ABHD6: variants seen among roughly 807,000 people sequenced by gnomAD.
ABHD6 encodes the protein abhydrolase domain containing 6, acylglycerol lipase.
ABHD6 carries 33 observed loss-of-function variants against 38.8 expected under a neutral mutation model. The ratio of observed to expected loss-of-function variants is 0.85; its 90% CI spans 0.64 to 1.14. ABHD6 has a LOEUF of 1.14. ABHD6 is among the 50% of genes most tolerant of loss of function. The pLI is 0.00. For synonymous variants in ABHD6, 147 were observed against 161.6 expected, an observed-to-expected ratio of 0.91 and a Z score of 0.69; for missense variants, 380 against 422.6, an observed-to-expected ratio of 0.90 and a Z score of 0.88.
intron 3 of ABHD6, among the ~76,000 whole-genome samples, chr3:58,258,937 G>T (rs924673703): frequency 6.6e-6 from 1 of 152,208 alleles, no homozygotes; most frequent in African/African-American, 2.4e-5. Context: ...AAATGCTGTT[G>T]CCCTTGCAGT....
chr3:58,249,313 T>A (rs1315901922), intron 1 of ABHD6, among the ~76,000 whole-genome samples: 1 of 152,232 alleles, frequency 6.6e-6, no homozygotes, highest in Non-Finnish European at 1.5e-5. Context: ...TATATTTAAT[T>A]CTTTGATTCA....
intron 2 of ABHD6, among the ~76,000 whole-genome samples, chr3:58,255,592 T>TG (rs2097432703): frequency 6.6e-6 from 1 of 152,244 alleles, no homozygotes. Flanking sequence ...CCCAAAGTGC[T>TG]GGATCACAGG....
At chr3:58,283,666 TTGGA>T (rs370728623) in intron 7 of ABHD6, among the ~76,000 whole-genome samples, 24 of 152,038 alleles carry the variant, frequency 1.6e-4, no homozygotes, top group Non-Finnish European at 3.2e-4. Context: ...GGCTGAATGG[TTGGA>T]TGGATGGATG....
intron 7 of ABHD6, among the ~76,000 whole-genome samples, chr3:58,277,624 T>G (rs4681835): frequency 0.42 from 63,260 of 152,048 alleles, 13,999 homozygotes; most frequent in African/African-American, 0.57. Context: ...CTGATTGCAC[T>G]GGGCAGAACT....
intron 7 of ABHD6, among the ~76,000 whole-genome samples, chr3:58,277,055 C>T (rs979546039): frequency 2.6e-5 from 4 of 152,164 alleles, no homozygotes; most frequent in African/African-American, 9.7e-5. Context: ...CTTGGTGCTT[C>T]CAGCTTTGTT....
Position 58,259,404 on chromosome 3 carries a change from G to A in ABHD6, c.119+2699G>A, listed in dbSNP as rs1266605236. The stretch of plus-strand genomic sequence containing the variant: ...TTTAAAGTGTACAATTCAAGGCTGG[G>A]CACGATGGCTCACACCTGTAATCCC... On this transcript the variant is annotated intron_variant, in intron 3 of 9. Coordinates refer to ENST00000478253, the MANE Select transcript of ABHD6 (RefSeq NM_001320126.2). The surrounding 1 kb of genome is among the most constrained non-coding windows in gnomAD (Gnocchi z 4.7). 6.6e-6 allele frequency among the ~76,000 whole-genome samples: 1 copy of A among 152,162 alleles called. No individual in the cohort carries two copies. The highest frequency in any genetic ancestry group is 1.9e-4 in the East Asian group (1 of 5,196).
intron 9 of ABHD6, among the ~76,000 whole-genome samples, chr3:58,290,199 G>A (rs1179244606): frequency 2.0e-5 from 2 of 100,412 alleles, no homozygotes; most frequent in Non-Finnish European, 2.0e-5. Flanking sequence ...CGGACGGGGC[G>A]GCTGGCTGGG....
intron 7 of ABHD6, among the ~76,000 whole-genome samples, chr3:58,276,301 T>C (rs2097448658): frequency 2.6e-5 from 4 of 152,316 alleles, no homozygotes; most frequent in South Asian, 2.1e-4. Flanking sequence ...TTTTAATGAT[T>C]GCCATTCTAA....
chr3:58,262,171 G>A (rs139888407), intron 3 of ABHD6, among the ~76,000 whole-genome samples: 50 of 152,280 alleles, frequency 3.3e-4, no homozygotes, highest in African/African-American at 1.2e-3. Context: ...GGTTGCTAGG[G>A]GACTGGGGGA....
At chr3:58,244,036 T>C (rs2097424622) in intron 1 of ABHD6, among the ~76,000 whole-genome samples, 1 of 152,242 alleles carries the variant, frequency 6.6e-6, no homozygotes, top group African/African-American at 2.4e-5. Context: ...CTTCATCATC[T>C]ATCCCTCTGT....
In ABHD6 at chr3:58,238,331, C is replaced by A. The variant is rs1338169133; in HGVS notation, c.-91+415C>A. ...TGGAGAAGGACTGCAGCTCGCCCAC[C>A]CAGATAGCATCTTGCTCCGTGTCAC... On this transcript the variant is annotated intron_variant, in intron 1 of 9. Coordinates refer to ENST00000478253, the MANE Select transcript of ABHD6 (RefSeq NM_001320126.2). This position sits in a 1 kb window ranked among gnomAD's most constrained non-coding sequence, Gnocchi z 6.9. 5 of 152,512 alleles carry A rather than the reference C, an allele frequency of 3.3e-5. No individual in the cohort carries two copies. Among genetic ancestry groups the A allele is most frequent in the Non-Finnish European group, 7.3e-5 (5 of 68,248 alleles). The allele number at this position is 152,512 out of a possible 1,614,324, so 9.4% of individuals were successfully genotyped here.
At chr3:58,262,454 C>T (rs930922099) in intron 3 of ABHD6, among the ~76,000 whole-genome samples, 1 of 152,156 alleles carries the variant, frequency 6.6e-6, no homozygotes, top group Non-Finnish European at 1.5e-5. Context: ...CGAGGAGGTC[C>T]TCTTTGGGGC....
rs542128827 is a variant in ABHD6, at chr3:58,263,247, G to A, written c.120-3942G>A. Among the ~76,000 whole-genome samples, 24 of 151,102 alleles carry A rather than the reference G, an allele frequency of 1.6e-4. No homozygotes were observed. Among genetic ancestry groups the A allele is most frequent in the East Asian group, 1.6e-3 (8 of 5,134 alleles). ...AAATAAACAAAAACAAAAATTAGCC[G>A]AGCGTGGTGGCACACACCTGTAATC... is the stretch of plus-strand genomic sequence containing the variant. On this transcript the variant is annotated intron_variant, in intron 3 of 9. Coordinates refer to ENST00000478253, the MANE Select transcript of ABHD6 (RefSeq NM_001320126.2). This position sits in a 1 kb window ranked among gnomAD's most constrained non-coding sequence, Gnocchi z 4.9.
intron 7 of ABHD6, among the ~76,000 whole-genome samples, chr3:58,281,683 G>T (rs961740213): frequency 6.6e-6 from 1 of 152,236 alleles, no homozygotes; most frequent in African/African-American, 2.4e-5. Flanking sequence ...CGTTGATCAC[G>T]CTGGATGCCG....
chr3:58,269,388 C>G lies in ABHD6; in HGVS notation c.344C>G (p.Ser115Cys). 1 of 1,613,964 alleles carries G rather than the reference C, an allele frequency of 6.2e-7. No homozygotes were observed. Among genetic ancestry groups the G allele is most frequent in the Non-Finnish European group, 8.5e-7 (1 of 1,179,902 alleles). Reference sequence around the variant, plus strand: ...GGACATGAGGGCACCACCCGCTCCTCCCTGGATGACCTGTCCATAGATGGG... The same window carrying G: ...GGACATGAGGGCACCACCCGCTCCTGCCTGGATGACCTGTCCATAGATGGG... ...MPGHEGTTRSSLDDLSIDGQV... is the reference protein window; with the variant it reads ...MPGHEGTTRSCLDDLSIDGQV... The change falls in exon 5 of 10, where the codon TCC becomes TGC. Residue 115 changes from serine (S) to cysteine (C), a missense_variant. Coordinates refer to ENST00000478253, the MANE Select transcript of ABHD6 (RefSeq NM_001320126.2). The surrounding 1 kb of genome is among the most constrained non-coding windows in gnomAD (Gnocchi z 4.4).
At position 58,289,987 on chromosome 3, in the gene ABHD6, G is replaced by T. The variant is rs1320990512; in HGVS notation, c.838-3602G>T. Among the ~76,000 whole-genome samples, 4 of 144,036 alleles carry T rather than the reference G, an allele frequency of 2.8e-5. 1 individual carries two copies. Among genetic ancestry groups the T allele is most frequent in the African/African-American group, 8.1e-5 (3 of 36,988 alleles). The allele number at this position is 144,036 out of a possible 152,430, so 94.5% of individuals were successfully genotyped here. A position where few individuals can be genotyped will look rare whatever the true frequency, so the allele number is the denominator to read the frequency against. ...CCCGGACGAGGCGGCTGGCCGGGCG[G>T]GGGGCTGACCCCCCCACCTCCCTCC... On this transcript the variant is annotated intron_variant, in intron 9 of 9. Transcript: ENST00000478253.
At chr3:58,278,709 A>G (rs916846013) in intron 7 of ABHD6, among the ~76,000 whole-genome samples, 2 of 151,974 alleles carry the variant, frequency 1.3e-5, no homozygotes, top group African/African-American at 4.8e-5. Flanking sequence ...TCAATTTTAG[A>G]TCTTTCTTGC....
Position 58,283,975 on chromosome 3 carries a change from C to T in ABHD6, c.682-1110C>T, listed in dbSNP as rs148509074. 3.7e-4 allele frequency among the ~76,000 whole-genome samples: 57 copies of T among 152,294 alleles called. No homozygotes were observed. The East Asian group carries it at 8.3e-3, about 22-fold the overall frequency. On this transcript the variant is annotated intron_variant, in intron 7 of 9. Transcript: ENST00000478253. ...AGAGGGTTGGTTTAGTCCATAGCAG[C>T]CATGGCTGGTTCTTCCCCACTTTCA...
At chr3:58,243,064 T>C (rs2097423943) in intron 1 of ABHD6, among the ~76,000 whole-genome samples, 1 of 152,228 alleles carries the variant, frequency 6.6e-6, no homozygotes, top group Non-Finnish European at 1.5e-5. Context: ...TCCTTTTTTA[T>C]GGCTGCATAG....
Sources: gnomAD v4.1 joint callset for allele counts (sites outside exome capture counted in the v4.1 genomes callset) on GRCh38, gnomAD v4.1.1 for gene constraint, Gnocchi (gnomAD v3.1) non-coding constraint, MANE v1.5 for transcripts, NCBI Gene and HGNC (gene_info 2026-07-23, HGNC 2026-07-21) for gene names.